The following FBXL13 variants were observed in gnomAD, a reference collection of about 807,000 sequenced individuals.
FBXL13 encodes F-box and leucine-rich repeat protein 13.
In FBXL13, 67 loss-of-function variants were observed where a neutral mutation model predicts 83.6. That is an observed-to-expected ratio of 0.80 (90% CI 0.66 to 0.98). The LOEUF is 0.98. Among genes scored for constraint, FBXL13 ranks in the 50% least tolerant of loss-of-function variants. The pLI is 0.00. For synonymous variants in FBXL13, 272 were observed against 299.5 expected, an observed-to-expected ratio of 0.91 and a Z score of 0.95; for missense variants, 822 against 866.5, an observed-to-expected ratio of 0.95 and a Z score of 0.64.
At chr7:102,975,888 CA>C in intron 6 of FBXL13, 1 of 743,030 alleles carries the variant, frequency 1.3e-6, no homozygotes, top group East Asian at 2.5e-5. Context: ...CCTCCTCCAT[CA>C]GGGGCCCTGC....
intron 6 of FBXL13, among the ~76,000 whole-genome samples, chr7:103,003,832 C>A (rs1019075344): frequency 6.6e-6 from 1 of 152,200 alleles, no homozygotes; most frequent in Non-Finnish European, 1.5e-5. Flanking sequence ...CCGCCTTGAC[C>A]TCCTAAAGTG....
intron 2 of FBXL13, among the ~76,000 whole-genome samples, chr7:103,053,638 C>T (rs962531868): frequency 6.6e-6 from 1 of 152,188 alleles, no homozygotes. Flanking sequence ...CAAAATCATA[C>T]TGAAACCAAA....
At chr7:102,925,291 A>C (rs1817903781) in intron 10 of FBXL13, among the ~76,000 whole-genome samples, 1 of 152,122 alleles carries the variant, frequency 6.6e-6, no homozygotes, top group African/African-American at 2.4e-5. Context: ...GCTACTCAGG[A>C]GGCTGAGGCG....
At chr7:103,074,541 C>A (rs1367594144) in exon 1 of FBXL13, 3 of 1,210,716 alleles carry the variant, frequency 2.5e-6, no homozygotes, top group Non-Finnish European at 3.2e-6. Flanking sequence ...CCTACAAGTC[C>A]GAATTTGACT....
At chr7:102,825,590 C>A (rs1799489306) in intron 18 of FBXL13, among the ~76,000 whole-genome samples, 1 of 152,178 alleles carries the variant, frequency 6.6e-6, no homozygotes, top group Non-Finnish European at 1.5e-5. Flanking sequence ...GGTATGACCA[C>A]TTTTGTGGCT....
Position 102,832,941 on chromosome 7 carries a change from A to G in FBXL13, c.1753T>C (p.Leu585=), listed in dbSNP as rs768857493. Residue 585 remains leucine (L), a synonymous_variant, in exon 18 of 20, where the codon TTG becomes CTG. Transcript: ENST00000313221. ...AGCTGGGAGCAATAAGAGACATCCA[A>G]ATGTTCCAAGATCAGTGAGCTTTTG... 6.2e-6 allele frequency: 10 copies of G among 1,614,082 alleles called. No homozygotes were observed. In the Admixed American group the frequency reaches 1.3e-4, roughly 22 times the overall value.
chr7:102,830,785 C>T (rs917364861), intron 18 of FBXL13, among the ~76,000 whole-genome samples: 4 of 152,180 alleles, frequency 2.6e-5, no homozygotes, highest in African/African-American at 9.7e-5. Context: ...TAGAAGAGAA[C>T]ACGATTGTTA....
At chr7:102,885,759 T>C (rs1416811083) in intron 11 of FBXL13, among the ~76,000 whole-genome samples, 2 of 152,208 alleles carry the variant, frequency 1.3e-5, no homozygotes, top group Non-Finnish European at 1.5e-5. Flanking sequence ...TTGGCTCTTA[T>C]ATTTAGGTTA....
chr7:102,824,906 A>G (rs1014932809), intron 18 of FBXL13, among the ~76,000 whole-genome samples: 1 of 150,826 alleles, frequency 6.6e-6, no homozygotes, highest in Non-Finnish European at 1.5e-5. Flanking sequence ...CCATAGCTGC[A>G]CACCACCAAA....
At chr7:102,822,456 A>G in intron 18 of FBXL13, 1 of 603,482 alleles carries the variant, frequency 1.7e-6, no homozygotes, top group Non-Finnish European at 3.1e-6. Flanking sequence ...CACATGGCAG[A>G]GAGAGAGAGA....
Position 102,859,300 on chromosome 7 carries a change from A to G in FBXL13, c.1636-4440T>C, listed in dbSNP as rs77528285. On this transcript the variant is annotated intron_variant, in intron 16 of 19. Coordinates refer to ENST00000313221, the Ensembl canonical transcript of FBXL13. ...TCGAGCCGGCAGAGATGAGGCCTCC[A>G]CTAAAAATTGCCTCATGCTGGTTAC... Among the ~76,000 whole-genome samples the G allele has an allele frequency of 3.3e-4, 50 of 152,300 alleles. No homozygotes were observed. The East Asian group carries it at 9.5e-3, about 29-fold the overall frequency.
chr7:103,045,123 G>T lies in FBXL13; in HGVS notation c.-1+10521C>A, dbSNP rs139520775. On this transcript the variant is annotated intron_variant, in intron 2 of 19. Coordinates refer to ENST00000313221, the Ensembl canonical transcript of FBXL13. ...GATTAATAGACACAAAAAGGGAAAT[G>T]ATGTGCAGAAATTGGAAGTGAGGTA... Among the ~76,000 whole-genome samples, 715 of 152,346 alleles carry T rather than the reference G, an allele frequency of 4.7e-3. 5 individuals are homozygous for T. The highest frequency in any genetic ancestry group is 0.016 in the African/African-American group (673 of 41,582).
chr7:102,953,368 A>T (rs1823719585), intron 8 of FBXL13, among the ~76,000 whole-genome samples: 1 of 152,176 alleles, frequency 6.6e-6, no homozygotes, highest in Non-Finnish European at 1.5e-5. Context: ...GAAAAAAAAA[A>T]TCAATCAATG....
intron 6 of FBXL13, among the ~76,000 whole-genome samples, chr7:102,985,595 C>G (rs1386994036): frequency 6.6e-6 from 1 of 152,104 alleles, no homozygotes; most frequent in Admixed American, 6.5e-5. Flanking sequence ...TTCCATAGAG[C>G]TGGAAGACAT....
At chr7:102,859,080 C>T (rs1251581947) in intron 16 of FBXL13, among the ~76,000 whole-genome samples, 1 of 152,180 alleles carries the variant, frequency 6.6e-6, no homozygotes, top group Admixed American at 6.6e-5. Flanking sequence ...AATATTCCTA[C>T]AGCATCCTTA....
At chr7:102,953,303 A>G (rs1380502458) in intron 8 of FBXL13, among the ~76,000 whole-genome samples, 8 of 152,180 alleles carry the variant, frequency 5.3e-5, no homozygotes, top group Admixed American at 4.6e-4. Context: ...ATTATACACC[A>G]TGATGTACGA....
At chr7:102,923,575 C>T (rs1032750029) in intron 10 of FBXL13, among the ~76,000 whole-genome samples, 1 of 152,130 alleles carries the variant, frequency 6.6e-6, no homozygotes, top group Non-Finnish European at 1.5e-5. Flanking sequence ...GTAATCCCAG[C>T]ACTTTGGGAG....
At chr7:102,887,414 TACACACACACAC>T (rs67686614) in intron 11 of FBXL13, among the ~76,000 whole-genome samples, 1 of 148,602 alleles carries the variant, frequency 6.7e-6, no homozygotes, top group African/African-American at 2.5e-5. Context: ...TATACATACA[TACACACACACAC>T]ACACACACAC....
chr7:102,949,214 G>A (rs750137976), intron 8 of FBXL13, among the ~76,000 whole-genome samples: 2 of 152,182 alleles, frequency 1.3e-5, no homozygotes, highest in Non-Finnish European at 2.9e-5. Context: ...AGCTGGGGTA[G>A]GGGTTGGTAG....
Sources: gnomAD v4.1 joint callset for allele counts (sites outside exome capture counted in the v4.1 genomes callset) on GRCh38, gnomAD v4.1.1 for gene constraint, MANE v1.5 for transcripts, NCBI Gene and HGNC (gene_info 2026-07-23, HGNC 2026-07-21) for gene names.